GPR19: variants seen among roughly 807,000 people sequenced by gnomAD.
GPR19 encodes the protein G protein-coupled receptor 19.
A neutral mutation model predicts 28.5 loss-of-function variants in GPR19; 14 were observed. The observed-to-expected ratio is 0.49, with a 90% CI of 0.32 to 0.77. The LOEUF is 0.77. Among genes scored for constraint, GPR19 ranks in the 30% least tolerant of loss-of-function variants. The pLI, the probability that GPR19 is intolerant of heterozygous loss-of-function variation, is 0.03. For missense variants in GPR19, 409 were observed against 504.1 expected (o/e 0.81, Z 1.81); for synonymous variants, 173 against 184.1 (o/e 0.94, Z 0.49).
intron 3 of GPR19, among the ~76,000 whole-genome samples, chr12:12,673,113 C>T (rs1459517662): frequency 1.3e-5 from 2 of 152,206 alleles, no homozygotes; most frequent in African/African-American, 4.8e-5. Flanking sequence ...CAACTCCTCC[C>T]TCTCCTGCCT....
At chr12:12,703,229 A>G in the GPR19 span, 1 of 222,392 alleles carries the variant, frequency 4.5e-6, no homozygotes, top group South Asian at 1.6e-4. Flanking sequence ...CTGAGGTTAG[A>G]TTACCCTTAT....
At chr12:12,710,118 G>A in the GPR19 span, among the ~76,000 whole-genome samples, 245 of 152,268 alleles carry the variant, frequency 1.6e-3, no homozygotes, top group African/African-American at 5.7e-3. Flanking sequence ...TGGGGAGGCC[G>A]AGGTGGGTGG....
chr12:12,676,576 G>A (rs1945934647), intron 3 of GPR19, among the ~76,000 whole-genome samples: 1 of 152,188 alleles, frequency 6.6e-6, no homozygotes, highest in Admixed American at 6.5e-5. Flanking sequence ...GCTTTCCACA[G>A]TAATTATCCT....
At chr12:12,686,175 A>G (rs972456097) in intron 2 of GPR19, among the ~76,000 whole-genome samples, 2 of 152,242 alleles carry the variant, frequency 1.3e-5, no homozygotes, top group Non-Finnish European at 1.5e-5. Context: ...TGAAAGACGA[A>G]TGCTGACTTG....
chr12:12,669,683 G>A (rs555506223), intron 3 of GPR19, among the ~76,000 whole-genome samples: 43 of 152,184 alleles, frequency 2.8e-4, no homozygotes, highest in African/African-American at 9.6e-4. Context: ...TTGAAGTTTT[G>A]TTTTTTTCCC....
chr12:12,707,821 C>T, the GPR19 span, among the ~76,000 whole-genome samples: 1 of 151,342 alleles, frequency 6.6e-6, no homozygotes, highest in African/African-American at 2.4e-5. Context: ...TGGCCTCAAG[C>T]GATCTTCCCA....
the GPR19 span, among the ~76,000 whole-genome samples, chr12:12,711,320 GA>G: frequency 1.4e-5 from 2 of 147,898 alleles, no homozygotes; most frequent in African/African-American, 4.9e-5. Flanking sequence ...ACCCCAAAAT[GA>G]AAACTTATTT....
chr12:12,667,374 A>G (rs1945798155), intron 3 of GPR19, among the ~76,000 whole-genome samples: 1 of 152,164 alleles, frequency 6.6e-6, no homozygotes, highest in South Asian at 2.1e-4. Context: ...TGAGTGGGGA[A>G]AATGGTAGAT....
At chr12:12,709,932 G>C in the GPR19 span, among the ~76,000 whole-genome samples, 3 of 152,176 alleles carry the variant, frequency 2.0e-5, no homozygotes, top group Admixed American at 6.5e-5. Flanking sequence ...AAGGGAATGG[G>C]AACAGGGTTT....
intron 2 of GPR19, among the ~76,000 whole-genome samples, chr12:12,692,718 C>A (rs555529911): frequency 1.3e-3 from 189 of 151,152 alleles, no homozygotes; most frequent in Non-Finnish European, 1.9e-3. Flanking sequence ...TTTTTTTCTC[C>A]AACTGGGCTT....
chr12:12,691,814 G>A (rs1946184725), intron 2 of GPR19, among the ~76,000 whole-genome samples: 1 of 152,116 alleles, frequency 6.6e-6, no homozygotes, highest in African/African-American at 2.4e-5. Flanking sequence ...CACCCTTCAA[G>A]GGTGTCTGGT....
the GPR19 span, among the ~76,000 whole-genome samples, chr12:12,716,282 T>TTTCA: frequency 6.6e-6 from 1 of 152,194 alleles, no homozygotes; most frequent in African/African-American, 2.4e-5. Context: ...AGGGGAGTAT[T>TTTCA]TTCACCCTTC....
chr12:12,716,215 G>A, the GPR19 span, among the ~76,000 whole-genome samples: 1 of 152,220 alleles, frequency 6.6e-6, no homozygotes, highest in Non-Finnish European at 1.5e-5. Flanking sequence ...AGTATCGGAC[G>A]TTAGGACATG....
chr12:12,699,978 CTTTTTTTTT>C (rs10716814), upstream of GPR19, among the ~76,000 whole-genome samples: 4 of 119,446 alleles, frequency 3.3e-5, no homozygotes, highest in African/African-American at 1.2e-4. Context: ...AGCTTTCTTT[CTTTTTTTTT>C]TTTTTTGTAA....
chr12:12,683,009 T>A (rs114170008), intron 3 of GPR19, among the ~76,000 whole-genome samples: 80 of 152,334 alleles, frequency 5.3e-4, no homozygotes, highest in African/African-American at 1.8e-3. Flanking sequence ...AAGTTTTTAA[T>A]CTATTTTATT....
At chr12:12,713,996 T>TCCCCTTTTTGGAATGTCA in the GPR19 span, among the ~76,000 whole-genome samples, 2 of 152,216 alleles carry the variant, frequency 1.3e-5, no homozygotes, top group Admixed American at 1.3e-4. Context: ...CTGTCTCCTC[T>TCCCCTTTTTGGAATGTCA]CCCCTTTTTG....
intron 3 of GPR19, among the ~76,000 whole-genome samples, chr12:12,683,719 T>G (rs1439322729): frequency 2.6e-5 from 4 of 152,214 alleles, no homozygotes; most frequent in Admixed American, 6.5e-5. Flanking sequence ...GTCAAAGACA[T>G]GAAAATTTGA....
At chr12:12,707,273 A>G in the GPR19 span, among the ~76,000 whole-genome samples, 1 of 152,244 alleles carries the variant, frequency 6.6e-6, no homozygotes, top group Admixed American at 6.5e-5. Context: ...TTCATACAGC[A>G]TCTGCCTTCA....
At chr12:12,716,450 A>G in the GPR19 span, among the ~76,000 whole-genome samples, 1 of 152,126 alleles carries the variant, frequency 6.6e-6, no homozygotes, top group Non-Finnish European at 1.5e-5. Context: ...AAAGAACAGA[A>G]AAGTAGAAAG....
Sources: allele counts gnomAD v4.1 joint callset (sites outside exome capture counted in the v4.1 genomes callset), GRCh38; gene constraint gnomAD v4.1.1; transcripts MANE v1.5; gene names NCBI Gene and HGNC (gene_info 2026-07-23, HGNC 2026-07-21).